The following SLC1A6 variants were observed in gnomAD, a reference collection of about 807,000 sequenced individuals.
SLC1A6 encodes the protein solute carrier family 1 member 6, also known as excitatory amino acid transporter 4.
In SLC1A6, 15 loss-of-function variants were observed where a neutral mutation model predicts 42.1. The observed-to-expected ratio is 0.36, with a 90% CI of 0.24 to 0.55. SLC1A6 has a LOEUF of 0.55. Among genes scored for constraint, SLC1A6 ranks in the 20% least tolerant of loss-of-function variants. The probability of loss-of-function intolerance (pLI) is 0.88; values close to 1 mark genes in which losing one functional copy is unlikely to be tolerated. For synonymous variants in SLC1A6, 317 were observed against 319.7 expected (o/e 0.99, Z 0.09); for missense variants, 542 against 772.5 (o/e 0.70, Z 3.54).
At chr19:15,001,125 C>T (rs60779415) in intron 1 of SLC1A6, among the ~76,000 whole-genome samples, 20,991 of 152,058 alleles carry the variant, frequency 0.14, 1,544 homozygotes, top group Non-Finnish European at 0.15. Flanking sequence ...TGTCACTCAG[C>T]GAACAAATAT....
chr19:15,001,888 T>C (rs1024782606), intron 1 of SLC1A6, among the ~76,000 whole-genome samples: 1 of 152,136 alleles, frequency 6.6e-6, no homozygotes, highest in Non-Finnish European at 1.5e-5. Context: ...CTCAAACTCC[T>C]GGGCTTAAGC....
intron 9 of SLC1A6, 77 bp from the exon 10 acceptor site, chr19:14,950,467 G>T (rs950993811): frequency 4.3e-6 from 5 of 1,158,308 alleles, no homozygotes; most frequent in East Asian, 2.5e-5. Flanking sequence ...GCAGAGGGGG[G>T]TCCCTGTGCC....
intron 4 of SLC1A6, among the ~76,000 whole-genome samples, chr19:14,967,626 A>G (rs1007695134): frequency 3.9e-5 from 6 of 152,242 alleles, no homozygotes; most frequent in Non-Finnish European, 5.9e-5. Flanking sequence ...AGGATCTAAG[A>G]CCATGCCACG....
At chr19:14,963,123 TG>T (rs2045534262) in intron 5 of SLC1A6, among the ~76,000 whole-genome samples, 1 of 152,078 alleles carries the variant, frequency 6.6e-6, no homozygotes, top group African/African-American at 2.4e-5. Context: ...TATTCAGCCT[TG>T]AAAAAGGAGG....
intron 3 of SLC1A6, among the ~76,000 whole-genome samples, chr19:14,970,543 C>G (rs913673034): frequency 1.3e-5 from 2 of 151,622 alleles, no homozygotes; most frequent in African/African-American, 2.4e-5. Context: ...AACCCTGTCT[C>G]TACTAAAAAT....
chr19:14,975,187 C>G (rs1258545252), intron 1 of SLC1A6: 1 of 73,598 alleles, frequency 1.4e-5, no homozygotes, highest in African/African-American at 6.0e-5. Flanking sequence ...TTAACAGATA[C>G]AAAACTACAG....
chr19:14,955,962 TC>T (rs2045458981), intron 7 of SLC1A6, among the ~76,000 whole-genome samples: 2 of 152,054 alleles, frequency 1.3e-5, no homozygotes, highest in Non-Finnish European at 2.9e-5. Flanking sequence ...AATTCTTCCA[TC>T]TTTTTGGCTG....
chr19:14,962,373 T>C (rs750772628), intron 5 of SLC1A6, 28 bp from the exon 6 acceptor site: 1 of 1,562,116 alleles, frequency 6.4e-7, no homozygotes, highest in South Asian at 1.1e-5. Flanking sequence ...TGCGCCCAGA[T>C]TCAATTCAGC....
intron 1 of SLC1A6, among the ~76,000 whole-genome samples, chr19:15,006,698 A>G (rs1176313399): frequency 4.6e-5 from 7 of 150,976 alleles, no homozygotes; most frequent in Admixed American, 2.7e-4. Flanking sequence ...CCGAGGCAGG[A>G]GAATTACTTA....
upstream of SLC1A6, among the ~76,000 whole-genome samples, chr19:14,981,617 G>T (rs149448155): frequency 1.3e-5 from 2 of 152,302 alleles, no homozygotes; most frequent in East Asian, 3.9e-4. Flanking sequence ...ACTTGGATGT[G>T]CTAGAGGCTG....
At chr19:14,985,367 G>A (rs2045788022) in intron 1 of SLC1A6, among the ~76,000 whole-genome samples, 2 of 152,190 alleles carry the variant, frequency 1.3e-5, no homozygotes, top group Admixed American at 1.3e-4. Flanking sequence ...GGTCACGGGG[G>A]TGGATTTTTT....
intron 1 of SLC1A6, among the ~76,000 whole-genome samples, chr19:15,010,212 AG>A (rs1568304880): frequency 1.2e-5 from 1 of 81,108 alleles, no homozygotes; most frequent in Non-Finnish European, 2.6e-5. Flanking sequence ...GAAAGAAAAA[AG>A]AAAGAGAGAG....
chr19:14,966,290 A>C (rs1206293789), intron 4 of SLC1A6, among the ~76,000 whole-genome samples: 1 of 152,052 alleles, frequency 6.6e-6, no homozygotes, highest in Non-Finnish European at 1.5e-5. Flanking sequence ...TCAGCAGTTC[A>C]AGACCAGCCT....
intron 1 of SLC1A6, among the ~76,000 whole-genome samples, chr19:14,989,198 C>G (rs1372729496): frequency 1.3e-5 from 2 of 152,088 alleles, no homozygotes; most frequent in Non-Finnish European, 2.9e-5. Context: ...ACACTAAAAG[C>G]CTAGACTTTA....
Position 14,956,597 on chromosome 19 carries a change from GGCCCACGATGACGGTCAGGGTGTACAT to G in SLC1A6, c.1021_1047del (p.Met341_Gly349del), listed in dbSNP as rs2045465426. ...AGGACAATGCCGGCATGGAGGAACA[GGCCCACGATGACGGTCAGGGTGTACAT>G]GCCCAGCTGACCCCCCAGGACGGCC... is the stretch of plus-strand genomic sequence containing the variant. On this transcript the variant is annotated inframe_deletion, in exon 7 of 10. Coordinates refer to ENST00000594383, the MANE Select transcript of SLC1A6 (RefSeq NM_005071.3). 1 of 1,613,812 alleles carries G rather than the reference GGCCCACGATGACGGTCAGGGTGTACAT, an allele frequency of 6.2e-7. No homozygotes were observed. The highest frequency in any genetic ancestry group is 1.7e-5 in the Admixed American group (1 of 59,978).
At chr19:14,954,040 C>T (rs2045437713) in intron 8 of SLC1A6, 95 bp downstream of exon 8, 3 of 1,064,802 alleles carry the variant, frequency 2.8e-6, no homozygotes, top group Admixed American at 2.3e-5. Flanking sequence ...CTCTGAGCTC[C>T]AGCTGAGGCC....
In SLC1A6 at chr19:15,004,022, G is replaced by C. The variant is rs534935111; in HGVS notation, c.6+6463C>G. Among the ~76,000 whole-genome samples the C allele has an allele frequency of 1.6e-3, 238 of 152,054 alleles. 3 individuals carry two copies. Among genetic ancestry groups the C allele is most frequent in the Middle Eastern group, 6.8e-3 (2 of 294 alleles). On this transcript the variant is annotated intron_variant, in intron 1 of 8. Transcript: ENST00000430939. The stretch of plus-strand genomic sequence containing the variant: ...ATACAAAAAATTAGCTGGGCGTGGT[G>C]GTGGGCCCCTGTAGTCCCAGCTACT...
intron 5 of SLC1A6, among the ~76,000 whole-genome samples, chr19:14,963,831 CTT>C (rs5827267): frequency 1.9e-3 from 267 of 141,246 alleles, no homozygotes; most frequent in African/African-American, 5.0e-3. Flanking sequence ...CCTAAGTCCT[CTT>C]TTTTTTTTTT....
chr19:15,006,445 G>A (rs950043866), intron 1 of SLC1A6, among the ~76,000 whole-genome samples: 11 of 152,168 alleles, frequency 7.2e-5, no homozygotes, highest in Admixed American at 2.6e-4. Flanking sequence ...ATCGCCAAAG[G>A]TTATCTGGCC....
Sources: allele counts gnomAD v4.1 joint callset (sites outside exome capture counted in the v4.1 genomes callset), GRCh38; gene constraint gnomAD v4.1.1; transcripts MANE v1.5; gene names NCBI Gene and HGNC (gene_info 2026-07-23, HGNC 2026-07-21).